SCMH1: variants seen among roughly 807,000 people sequenced by gnomAD.
SCMH1 encodes the protein Scm polycomb group protein homolog 1.
Under a neutral mutation model 70.8 loss-of-function variants are expected in SCMH1, and 37 were observed. The ratio of observed to expected loss-of-function variants is 0.52; its 90% CI spans 0.40 to 0.69. The LOEUF is 0.69. Among genes scored for constraint, SCMH1 ranks in the 30% least tolerant of loss-of-function variants. The pLI is 0.00. For missense variants in SCMH1, 607 were observed against 827.3 expected, an observed-to-expected ratio of 0.73 and a Z score of 3.27; for synonymous variants, 292 against 307.4, an observed-to-expected ratio of 0.95 and a Z score of 0.52.
intron 2 of SCMH1, among the ~76,000 whole-genome samples, chr1:41,173,124 C>T (rs1334142577): frequency 6.6e-6 from 1 of 151,964 alleles, no homozygotes; most frequent in Non-Finnish European, 1.5e-5. Flanking sequence ...AAAGCTTCTG[C>T]ACAGCAAAGG....
At chr1:41,089,787 CTTTTTTT>C (rs373229472) in intron 8 of SCMH1, among the ~76,000 whole-genome samples, 7 of 58,752 alleles carry the variant, frequency 1.2e-4, no homozygotes, top group East Asian at 6.0e-4. Context: ...CATGTTGTCT[CTTTTTTT>C]TTTTTTTTTT....
At chr1:41,168,924 G>A (rs1238855199) in intron 2 of SCMH1, among the ~76,000 whole-genome samples, 3 of 152,160 alleles carry the variant, frequency 2.0e-5, no homozygotes, top group Non-Finnish European at 2.9e-5. Context: ...TGTAGCTGGA[G>A]ATGTTGAGGT....
chr1:41,168,392 T>C (rs749315354), intron 2 of SCMH1, among the ~76,000 whole-genome samples: 1 of 152,170 alleles, frequency 6.6e-6, no homozygotes, highest in Non-Finnish European at 1.5e-5. Context: ...TCATCGATCC[T>C]TTCTTCTGCT....
intron 10 of SCMH1, among the ~76,000 whole-genome samples, chr1:41,065,040 A>G (rs560544284): frequency 1.3e-5 from 2 of 152,364 alleles, no homozygotes; most frequent in South Asian, 4.1e-4. Context: ...AAGTTTTTTG[A>G]AAGAAACGTA....
intron 2 of SCMH1, 61 bp from the exon 3 acceptor site, chr1:41,161,493 A>G: frequency 7.3e-6 from 11 of 1,500,074 alleles, no homozygotes; most frequent in Admixed American, 2.5e-5. Context: ...TACTTTTCCA[A>G]TTTGGCAGTA....
intron 8 of SCMH1, among the ~76,000 whole-genome samples, chr1:41,108,023 G>A (rs1367067690): frequency 6.6e-6 from 1 of 152,174 alleles, no homozygotes; most frequent in African/African-American, 2.4e-5. Context: ...TCCTGTACGT[G>A]AGCCACGATG....
Position 41,063,562 on chromosome 1 carries a change from TAAACAAAC to T in SCMH1, c.1105+7025_1105+7032del, listed in dbSNP as rs142137886. Among the ~76,000 whole-genome samples, 294 of 151,206 alleles carry T rather than the reference TAAACAAAC, an allele frequency of 1.9e-3. 1 individual carries two copies. The highest frequency in any genetic ancestry group is 6.1e-3 in the Admixed American group (92 of 15,192). ...TCAATTATATTCTAGCCAGGCTAAC[TAAACAAAC>T]AAACAAACAAACAAAAAAACAAAAC... On this transcript the variant is annotated intron_variant, in intron 10 of 14. Coordinates refer to ENST00000337495, the Ensembl canonical transcript of SCMH1.
chr1:41,088,536 T>C (rs1662389383), intron 8 of SCMH1, among the ~76,000 whole-genome samples: 1 of 152,150 alleles, frequency 6.6e-6, no homozygotes, highest in African/African-American at 2.4e-5. Context: ...GGCTCAATCA[T>C]AACTCGTTGC....
intron 1 of SCMH1, among the ~76,000 whole-genome samples, chr1:41,224,190 G>A (rs910413374): frequency 6.6e-6 from 1 of 151,970 alleles, no homozygotes; most frequent in African/African-American, 2.4e-5. Context: ...CATACTCTCA[G>A]ACAAAATCAT....
intron 1 of SCMH1, among the ~76,000 whole-genome samples, chr1:41,202,225 G>A (rs569335684): frequency 7.2e-5 from 11 of 151,976 alleles, no homozygotes; most frequent in East Asian, 5.8e-4. Flanking sequence ...TAGTAGAGAC[G>A]GGGTTTCACC....
At chr1:41,216,447 C>A (rs1658102940) in intron 1 of SCMH1, among the ~76,000 whole-genome samples, 1 of 152,156 alleles carries the variant, frequency 6.6e-6, no homozygotes, top group Non-Finnish European at 1.5e-5. Context: ...ACTCTTCTAC[C>A]TTCACCATGA....
chr1:41,228,088 C>T (rs1223644030), intron 1 of SCMH1, among the ~76,000 whole-genome samples: 1 of 152,142 alleles, frequency 6.6e-6, no homozygotes, highest in Non-Finnish European at 1.5e-5. Flanking sequence ...AAAGGGCTGT[C>T]TACAAAGAGG....
chr1:41,107,239 C>A (rs1668175399), intron 8 of SCMH1, among the ~76,000 whole-genome samples: 1 of 151,894 alleles, frequency 6.6e-6, no homozygotes, highest in Admixed American at 6.5e-5. Flanking sequence ...TCTCCAACCT[C>A]CAGTCCCCTC....
intron 1 of SCMH1, among the ~76,000 whole-genome samples, chr1:41,221,708 C>T (rs1251083618): frequency 4.6e-5 from 7 of 150,888 alleles, no homozygotes; most frequent in African/African-American, 9.7e-5. Flanking sequence ...GCCAACATGG[C>T]GAAACCCTAT....
intron 1 of SCMH1, among the ~76,000 whole-genome samples, chr1:41,210,979 T>G (rs1656878328): frequency 6.6e-6 from 1 of 152,036 alleles, no homozygotes; most frequent in Admixed American, 6.6e-5. Context: ...CCAGCTAATG[T>G]TTGTATTTTT....
intron 2 of SCMH1, among the ~76,000 whole-genome samples, chr1:41,184,194 T>C (rs1649570426): frequency 6.6e-6 from 1 of 152,218 alleles, no homozygotes; most frequent in Non-Finnish European, 1.5e-5. Flanking sequence ...GCTGCACTGA[T>C]TCCATTTCAG....
At chr1:41,212,001 C>T (rs1257627369) in intron 1 of SCMH1, among the ~76,000 whole-genome samples, 1 of 152,134 alleles carries the variant, frequency 6.6e-6, no homozygotes, top group African/African-American at 2.4e-5. Flanking sequence ...GAACATGACA[C>T]ACCAGGGCCT....
At chr1:41,070,672 C>T (rs749511026) in exon 10 of SCMH1, 2 of 1,614,022 alleles carry the variant, frequency 1.2e-6, no homozygotes, top group East Asian at 4.5e-5. Context: ...TTCAGGAGTG[C>T]TGGTTGTTGG....
At chr1:41,228,082 G>A (rs1359186773) in intron 1 of SCMH1, among the ~76,000 whole-genome samples, 1 of 152,158 alleles carries the variant, frequency 6.6e-6, no homozygotes, top group East Asian at 1.9e-4. Flanking sequence ...GCAGAGAAAG[G>A]GCTGTCTACA....
Sources: gnomAD v4.1 joint callset for allele counts (sites outside exome capture counted in the v4.1 genomes callset) on GRCh38, gnomAD v4.1.1 for gene constraint, MANE v1.5 for transcripts, NCBI Gene and HGNC (gene_info 2026-07-23, HGNC 2026-07-21) for gene names.